The following VPS13B variants were observed in gnomAD, a reference collection of about 807,000 sequenced individuals.
The protein encoded by VPS13B is intermembrane lipid transfer protein VPS13B.
Under a neutral mutation model 426.4 loss-of-function variants are expected in VPS13B, and 285 were observed. That is an observed-to-expected ratio of 0.67 (90% CI 0.61 to 0.74). VPS13B has a LOEUF of 0.74. Among genes scored for constraint, VPS13B ranks in the 30% least tolerant of loss-of-function variants. The pLI is 0.00. For synonymous variants in VPS13B, 1,676 were observed against 1,676.4 expected (o/e 1.00, Z 0.01); for missense variants, 4,537 against 4,782.6 (o/e 0.95, Z 1.51).
chr8:99,621,953 G>A (rs957880789), intron 33 of VPS13B, among the ~76,000 whole-genome samples: 2 of 149,054 alleles, frequency 1.3e-5, no homozygotes, highest in Admixed American at 1.4e-4. Context: ...CCTGTCTCAC[G>A]CTCCCGAGTA....
At chr8:99,618,352 C>A (rs560862005) in intron 33 of VPS13B, among the ~76,000 whole-genome samples, 3 of 150,702 alleles carry the variant, frequency 2.0e-5, no homozygotes, top group South Asian at 4.2e-4. Context: ...GGTTTAGAAA[C>A]CGAATCACAG....
intron 43 of VPS13B, among the ~76,000 whole-genome samples, chr8:99,808,716 C>T (rs1225445540): frequency 1.3e-5 from 2 of 151,446 alleles, no homozygotes; most frequent in African/African-American, 2.4e-5. Flanking sequence ...CCAAACATGA[C>T]CAGACATGGC....
At chr8:99,350,215 C>T (rs987576957) in intron 19 of VPS13B, among the ~76,000 whole-genome samples, 6 of 152,054 alleles carry the variant, frequency 3.9e-5, no homozygotes, top group African/African-American at 1.4e-4. Context: ...GAGAGAGCTC[C>T]AGAGAAAGTA....
intron 8 of VPS13B, among the ~76,000 whole-genome samples, chr8:99,124,492 G>C (rs1848095108): frequency 6.6e-6 from 1 of 152,128 alleles, no homozygotes; most frequent in South Asian, 2.1e-4. Flanking sequence ...GCACTATTCA[G>C]TGATCTCCCA....
At chr8:99,359,521 C>T (rs2133231179) in intron 19 of VPS13B, among the ~76,000 whole-genome samples, 1 of 152,062 alleles carries the variant, frequency 6.6e-6, no homozygotes, top group East Asian at 1.9e-4. Flanking sequence ...TTTTAGACAA[C>T]AAAGTGAAGT....
chr8:99,721,186 G>A (rs1432332914), intron 39 of VPS13B, 139 bp downstream of exon 39: 6 of 889,188 alleles, frequency 6.7e-6, no homozygotes, highest in Admixed American at 5.8e-5. Context: ...TGTGGTGTGT[G>A]TGTATCCACA....
Position 99,109,951 on chromosome 8 carries a change from A to T in VPS13B, c.581-1147A>T, listed in dbSNP as rs903135790. ...AGAGGGAAGGAAACATCTACAGGATATCTTTTTTTTTCTCATTTCTGGTCC... is the reference window on the plus strand; with the variant it reads ...AGAGGGAAGGAAACATCTACAGGATTTCTTTTTTTTTCTCATTTCTGGTCC... On this transcript the variant is annotated intron_variant, in intron 5 of 61. Transcript: ENST00000357162. Among the ~76,000 whole-genome samples, 4 of 152,128 alleles carry T rather than the reference A, an allele frequency of 2.6e-5. No homozygotes were observed. In the South Asian group the frequency reaches 8.3e-4, roughly 32 times the overall value.
intron 16 of VPS13B, among the ~76,000 whole-genome samples, chr8:99,173,104 C>T (rs1310845169): frequency 3.3e-5 from 5 of 152,074 alleles, no homozygotes; most frequent in Non-Finnish European, 7.4e-5. Context: ...CTTCTAAGTT[C>T]CCATTTTTTA....
rs1817213836 is a variant in VPS13B, at chr8:99,868,437, T to G, written c.11364T>G (p.Ala3788=). ...TGTTCACAAAGCCCATCGGAGGAGC[T>G]GCTGAGCTGGTGTCACAGACTGGCT... ...MGVFTKPIGG[A]AELVSQTGYG... Residue 3788 remains alanine, a synonymous_variant, in exon 59 of 62, where the codon GCT becomes GCG. Transcript: ENST00000357162. The G allele has an allele frequency of 6.2e-7, 1 of 1,613,546 alleles. No homozygotes were observed.
chr8:99,362,622 T>A (rs777611273), intron 19 of VPS13B, among the ~76,000 whole-genome samples: 9 of 152,182 alleles, frequency 5.9e-5, no homozygotes, highest in Non-Finnish European at 1.2e-4. Context: ...ACATTTAAAA[T>A]AAAGTGTCTT....
chr8:99,373,007 C>A (rs1813278223), intron 19 of VPS13B, among the ~76,000 whole-genome samples: 1 of 152,142 alleles, frequency 6.6e-6, no homozygotes, highest in Admixed American at 6.5e-5. Flanking sequence ...AGTTCATGTC[C>A]TTTGCAGGGA....
chr8:99,336,797 TCAAAAC>T (rs1252913166), intron 19 of VPS13B, among the ~76,000 whole-genome samples: 1 of 152,016 alleles, frequency 6.6e-6, no homozygotes, highest in Non-Finnish European at 1.5e-5. Flanking sequence ...GAAATGCAAA[TCAAAAC>T]CACAATGAGA....
At chr8:99,516,961 G>A (rs1822116591) in intron 29 of VPS13B, among the ~76,000 whole-genome samples, 1 of 151,982 alleles carries the variant, frequency 6.6e-6, no homozygotes, top group Non-Finnish European at 1.5e-5. Flanking sequence ...AAGATGAGTG[G>A]TAAACCAAAT....
intron 33 of VPS13B, among the ~76,000 whole-genome samples, chr8:99,580,947 C>A (rs1826021654): frequency 6.7e-6 from 1 of 149,356 alleles, no homozygotes. Context: ...GAGTTCAAGA[C>A]CAGCCTGGGC....
intron 25 of VPS13B, among the ~76,000 whole-genome samples, chr8:99,501,263 T>C (rs1821219486): frequency 6.6e-6 from 1 of 152,214 alleles, no homozygotes; most frequent in Non-Finnish European, 1.5e-5. Context: ...GGATTGTAGC[T>C]TCTCTGTAGC....
rs542396703 is a variant in VPS13B, at chr8:99,766,869, G to T, written c.7146G>T (p.Gln2382His). 2 of 1,614,054 alleles carry T rather than the reference G, an allele frequency of 1.2e-6. No individual in the cohort carries two copies. Among genetic ancestry groups the T allele is most frequent in the East Asian group, 2.2e-5 (1 of 44,830 alleles). Reference sequence around the variant, plus strand: ...CTGAAAGCAAAGTTTGTGAACTGCAGTTGCCGGATATCAATCTCGTGAATG... The same window carrying T: ...CTGAAAGCAAAGTTTGTGAACTGCATTTGCCGGATATCAATCTCGTGAATG... ...NLSESKVCELQLPDINLVNDQ... is the reference protein window; with the variant it reads ...NLSESKVCELHLPDINLVNDQ... The change falls in exon 40 of 62, where the codon CAG (glutamine) becomes CAT (histidine). Residue 2382 changes from glutamine to histidine, a missense_variant. By Grantham distance (24) the Gln-to-His change is conservative. Coordinates refer to ENST00000357162, the MANE Select transcript of VPS13B (RefSeq NM_152564.5).
rs556985515 is a variant in VPS13B, at chr8:99,129,798, C to T, written c.1207-4834C>T. Among the ~76,000 whole-genome samples the T allele has an allele frequency of 6.6e-5, 10 of 151,918 alleles. No homozygotes were observed. The South Asian group carries it at 1.5e-3, about 22-fold the overall frequency. On this transcript the variant is annotated intron_variant, in intron 8 of 61. Transcript: ENST00000357162. ...GATTGTTGAGAGGAATTATATTCAA[C>T]GGAATCAGTCAAAATAGGCATTTAT...
At position 99,820,027 on chromosome 8, in the gene VPS13B, A is replaced by T; in HGVS notation, c.8899A>T (p.Ile2967Phe). The T allele has an allele frequency of 6.2e-7, 1 of 1,614,064 alleles. No homozygotes were observed. Among genetic ancestry groups the T allele is most frequent in the Non-Finnish European group, 8.5e-7 (1 of 1,179,942 alleles). Residue 2967 changes from isoleucine to phenylalanine, a missense_variant, in exon 49 of 62, where the codon ATC becomes TTC. Transcript: ENST00000357162. Reference protein sequence around the residue: ...LIELLPWALLINESKWDLWLF... With the variant: ...LIELLPWALLFNESKWDLWLF... ...AGAACTTCTGCCCTGGGCCCTGCTT[A>T]TCAATGAATCCAAATGGGACCTCTG...
intron 39 of VPS13B, among the ~76,000 whole-genome samples, chr8:99,726,895 C>T (rs761668341): frequency 8.5e-5 from 13 of 152,170 alleles, no homozygotes; most frequent in Non-Finnish European, 1.6e-4. Flanking sequence ...TTTATTATAG[C>T]AGCATAAACT....
Sources: allele counts gnomAD v4.1 joint callset (sites outside exome capture counted in the v4.1 genomes callset), GRCh38; gene constraint gnomAD v4.1.1; transcripts MANE v1.5; gene names NCBI Gene and HGNC (gene_info 2026-07-23, HGNC 2026-07-21).